Variants in LIPI observed in about 807,000 individuals in gnomAD.
LIPI encodes the protein lipase member I.
A neutral mutation model predicts 50.6 loss-of-function variants in LIPI; 59 were observed. That is an observed-to-expected ratio of 1.16 (90% CI 0.94 to 1.45). The LOEUF is 1.45. Among genes scored for constraint, LIPI ranks in the 40% most tolerant of loss-of-function variants. The probability of loss-of-function intolerance (pLI) is 0.00; values close to 1 mark genes in which losing one functional copy is unlikely to be tolerated. For missense variants in LIPI, 586 were observed against 536.3 expected, an observed-to-expected ratio of 1.09 and a Z score of -0.92; for synonymous variants, 203 against 178.2, an observed-to-expected ratio of 1.14 and a Z score of -1.11.
chr21:14,151,343 T>C (rs2018083054), intron 8 of LIPI, among the ~76,000 whole-genome samples: 1 of 152,230 alleles, frequency 6.6e-6, no homozygotes, highest in Non-Finnish European at 1.5e-5. Context: ...AGAGTTTAGA[T>C]GTCACTATGT....
At chr21:14,201,746 A>T (rs1253989038) in intron 1 of LIPI, among the ~76,000 whole-genome samples, 1 of 152,138 alleles carries the variant, frequency 6.6e-6, no homozygotes, top group South Asian at 2.1e-4. Context: ...GTGGGCAAAA[A>T]CTGGAAGCAT....
chr21:14,170,735 A>G (rs1479505811), intron 4 of LIPI, among the ~76,000 whole-genome samples: 5 of 151,528 alleles, frequency 3.3e-5, no homozygotes, highest in Non-Finnish European at 7.4e-5. Flanking sequence ...ACAGCTATCT[A>G]TGACAAACCC....
intron 6 of LIPI, 66 bp downstream of exon 6, chr21:14,165,157 A>G: frequency 7.8e-7 from 1 of 1,278,152 alleles, no homozygotes; most frequent in East Asian, 2.5e-5. Flanking sequence ...CTTCCAGCAG[A>G]AAATACTAAC....
intron 5 of LIPI, among the ~76,000 whole-genome samples, chr21:14,166,032 A>T (rs2018671146): frequency 6.6e-6 from 1 of 152,208 alleles, no homozygotes; most frequent in South Asian, 2.1e-4. Flanking sequence ...GTTAAGATTA[A>T]ATCCTGAGAT....
chr21:14,131,885 G>A (rs1314405222), intron 9 of LIPI, among the ~76,000 whole-genome samples: 1 of 152,014 alleles, frequency 6.6e-6, no homozygotes, highest in Non-Finnish European at 1.5e-5. Context: ...ATAAATTCTA[G>A]AAGTAAAAAT....
At chr21:14,133,643 A>G (rs1377797117) in intron 9 of LIPI, among the ~76,000 whole-genome samples, 1 of 152,206 alleles carries the variant, frequency 6.6e-6, no homozygotes, top group East Asian at 1.9e-4. Context: ...CAACCAAGAC[A>G]ACAAAATAAA....
At chr21:14,199,007 T>C (rs1215769732) in intron 1 of LIPI, among the ~76,000 whole-genome samples, 1 of 152,046 alleles carries the variant, frequency 6.6e-6, no homozygotes, top group East Asian at 1.9e-4. Flanking sequence ...CCTAAGTGAA[T>C]ACTGGGTAAA....
chr21:14,150,759 G>A (rs2018060857), intron 8 of LIPI, among the ~76,000 whole-genome samples: 1 of 152,144 alleles, frequency 6.6e-6, no homozygotes, highest in Non-Finnish European at 1.5e-5. Flanking sequence ...TCAAAATTAG[G>A]TGAAAAGGGC....
chr21:14,206,875 G>A (rs141732671), intron 1 of LIPI: 1 of 1,612,514 alleles, frequency 6.2e-7, no homozygotes, highest in East Asian at 2.2e-5. Context: ...TGAAAAGCAT[G>A]AGCACTATAT....
At chr21:14,126,326 A>G (rs1349986426) in intron 9 of LIPI, among the ~76,000 whole-genome samples, 1 of 152,244 alleles carries the variant, frequency 6.6e-6, no homozygotes, top group Non-Finnish European at 1.5e-5. Flanking sequence ...GGATGAATAA[A>G]CAAACTGTGG....
intron 4 of LIPI, among the ~76,000 whole-genome samples, chr21:14,171,185 A>G (rs2018889913): frequency 6.6e-6 from 1 of 151,344 alleles, no homozygotes; most frequent in Non-Finnish European, 1.5e-5. Flanking sequence ...TTCAAGAAGA[A>G]CTACAAACCA....
At chr21:14,172,250 C>A (rs1020420454) in intron 4 of LIPI, among the ~76,000 whole-genome samples, 21 of 151,570 alleles carry the variant, frequency 1.4e-4, no homozygotes, top group Admixed American at 1.2e-3. Flanking sequence ...GAAATAGGAA[C>A]ACTTTTACAC....
At chr21:14,164,377 T>G (rs2018601828) in intron 6 of LIPI, among the ~76,000 whole-genome samples, 1 of 152,150 alleles carries the variant, frequency 6.6e-6, no homozygotes, top group South Asian at 2.1e-4. Context: ...CATGGTGTCT[T>G]ATAGACAGAA....
intron 9 of LIPI, chr21:14,144,397 TTG>T (rs1054748673): frequency 2.7e-6 from 1 of 374,412 alleles, no homozygotes; most frequent in African/African-American, 2.1e-5. Context: ...TGTGAAATGA[TTG>T]TGTGTATTTT....
At chr21:14,170,114 A>G (rs1275856737) in intron 4 of LIPI, among the ~76,000 whole-genome samples, 2 of 152,260 alleles carry the variant, frequency 1.3e-5, no homozygotes, top group African/African-American at 4.8e-5. Flanking sequence ...GAAAATCTAG[A>G]AGAAATGGAT....
At chr21:14,174,673 C>T (rs922712177) in intron 4 of LIPI, among the ~76,000 whole-genome samples, 1 of 152,164 alleles carries the variant, frequency 6.6e-6, no homozygotes, top group African/African-American at 2.4e-5. Flanking sequence ...CCTGCCTCAG[C>T]CTCCCAAGTA....
At chr21:14,131,937 A>G (rs1305394712) in intron 9 of LIPI, among the ~76,000 whole-genome samples, 1 of 152,228 alleles carries the variant, frequency 6.6e-6, no homozygotes, top group East Asian at 1.9e-4. Context: ...AGCTTCAATA[A>G]GCTTCAACAA....
intron 1 of LIPI, among the ~76,000 whole-genome samples, chr21:14,200,054 G>A (rs373519433): frequency 9.2e-5 from 14 of 151,782 alleles, no homozygotes; most frequent in East Asian, 3.9e-4. Context: ...ATTCAACATC[G>A]CTTCATGCTA....
chr21:14,201,584 C>T (rs573010362), intron 1 of LIPI, among the ~76,000 whole-genome samples: 7 of 152,190 alleles, frequency 4.6e-5, no homozygotes, highest in African/African-American at 1.7e-4. Context: ...ACGACAAAAA[C>T]CATATGATTA....
Sources: gnomAD v4.1 joint callset for allele counts (sites outside exome capture counted in the v4.1 genomes callset) on GRCh38, gnomAD v4.1.1 for gene constraint, MANE v1.5 for transcripts, NCBI Gene and HGNC (gene_info 2026-07-23, HGNC 2026-07-21) for gene names.